NGB: variants seen among roughly 807,000 people sequenced by gnomAD.
NGB encodes the protein neuroglobin.
A neutral mutation model predicts 17.3 loss-of-function variants in NGB; 12 were observed. The ratio of observed to expected loss-of-function variants is 0.69; its 90% confidence interval spans 0.45 to 1.13. The LOEUF (loss-of-function observed/expected upper bound fraction) is 1.13. Ranked by LOEUF, NGB falls within the 50% of genes most tolerant of loss-of-function variation. The pLI is 0.00. For missense variants in NGB, 195 were observed against 191.7 expected, an observed-to-expected ratio of 1.02 and a Z score of -0.10; for synonymous variants, 87 against 81.0, an observed-to-expected ratio of 1.07 and a Z score of -0.40.
Position 77,266,580 on chromosome 14 carries a change from C to G in NGB, c.412G>C (p.Gly138Arg), listed in dbSNP as rs143417735. ...CGACTCATGGCCTGCACTACGGCCC[C>G]GTAGAGTTGGCTCCAGGCAGCCCGT... ...ATRAAWSQLY[G>R]AVVQAMSRGW... The change falls in exon 4 of 4, where the codon GGG becomes CGG. Residue 138 changes from glycine (G) to arginine (R), a missense_variant. Transcript: ENST00000298352. The G allele has an allele frequency of 6.2e-7, 1 of 1,614,154 alleles. No homozygotes were observed. The highest frequency in any genetic ancestry group is 8.5e-7 in the Non-Finnish European group (1 of 1,180,026).
chr14:77,269,371 TGCAAGCCCCA>T (rs1159787192), intron 1 of NGB, 45 bp from the exon 2 acceptor site: 3 of 1,350,078 alleles, frequency 2.2e-6, no homozygotes, highest in Non-Finnish European at 3.1e-6. Context: ...TGTGAGCTCC[TGCAAGCCCCA>T]GCAAGCCTGG....
In NGB at chr14:77,270,910, G is replaced by C; in HGVS notation, c.28C>G (p.Arg10Gly). Residue 10 changes from arginine to glycine, a missense_variant, in exon 1 of 4, where the codon CGG becomes GGG. Coordinates refer to ENST00000298352, the MANE Select transcript of NGB (RefSeq NM_021257.4). ...CGGCTCACTGCCCGCCAGCTCTGCC[G>C]GATCAGCTCGGGCTCCGGGCGCTCC... MERPEPELI[R>G]QSWRAVSRSP... 6.4e-7 allele frequency: 1 copy of C among 1,573,878 alleles called. No individual in the cohort carries two copies. Among genetic ancestry groups the C allele is most frequent in the Non-Finnish European group, 8.6e-7 (1 of 1,166,612 alleles).
At position 77,266,445 on chromosome 14, in the gene NGB, G is replaced by C. The variant is rs1163083616; in HGVS notation, c.*91C>G. The C allele has an allele frequency of 2.6e-6, 4 of 1,542,908 alleles. No homozygotes were observed. The African/African-American group carries it at 5.5e-5, about 21-fold the overall frequency. ...GTGTGGCCAAGGGGACAAGGACCAAGATGCAGGGAAGCTTGGGGAGCCTGG... is the reference window on the plus strand; with the variant it reads ...GTGTGGCCAAGGGGACAAGGACCAACATGCAGGGAAGCTTGGGGAGCCTGG... On this transcript the variant is annotated 3_prime_UTR_variant, in exon 4 of 4. Coordinates refer to ENST00000298352, the MANE Select transcript of NGB (RefSeq NM_021257.4).
intron 3 of NGB, 102 bp from the exon 4 acceptor site, chr14:77,266,772 G>C (rs1215277701): frequency 7.3e-7 from 1 of 1,375,158 alleles, no homozygotes; most frequent in African/African-American, 1.5e-5. Flanking sequence ...GGGCTCCTGG[G>C]CCTTTTTTCC....
rs1312693028 is a variant in NGB at position 77,270,961 on chromosome 14, G to A, written c.-24C>T. Reference sequence around the variant, plus strand: ...ATGCTGTCCCGGGGACGCGGAGCGCGGGGCTGGGACCCTCAGGGCTCGGGT... The same window carrying A: ...ATGCTGTCCCGGGGACGCGGAGCGCAGGGCTGGGACCCTCAGGGCTCGGGT... On this transcript the variant is annotated 5_prime_UTR_variant, in exon 1 of 4. Transcript: ENST00000298352. The A allele has an allele frequency of 6.6e-7, 1 of 1,508,132 alleles. No individual in the cohort carries two copies. Among genetic ancestry groups the A allele is most frequent in the Middle Eastern group, 2.2e-4 (1 of 4,628 alleles). The allele number at this position is 1,508,132 out of a possible 1,614,324, so 93.4% of individuals were successfully genotyped here. A position where few individuals can be genotyped will look rare whatever the true frequency, so the allele number is the denominator to read the frequency against.
intron 1 of NGB, among the ~76,000 whole-genome samples, chr14:77,269,918 AAACAGAAG>A (rs1224041178): frequency 6.9e-6 from 1 of 145,328 alleles, no homozygotes; most frequent in Non-Finnish European, 1.5e-5. Flanking sequence ...ATAGAGGAGA[AAACAGAAG>A]CCCGGGGAGG....
At chr14:77,267,236 A>T (rs1173270559) in intron 3 of NGB, among the ~76,000 whole-genome samples, 1 of 152,246 alleles carries the variant, frequency 6.6e-6, no homozygotes, top group African/African-American at 2.4e-5. Flanking sequence ...GCATCTGTAT[A>T]CAGGAAACCT....
Position 77,266,182 on chromosome 14 carries a change from G to T in NGB, c.*354C>A. 1 of 557,758 alleles carries T rather than the reference G, an allele frequency of 1.8e-6. No individual in the cohort carries two copies. The highest frequency in any genetic ancestry group is 3.6e-6 in the Non-Finnish European group (1 of 277,528). 34.6% of individuals were successfully genotyped at this position (557,758 alleles called of 1,614,324 possible). A position where few individuals can be genotyped will look rare whatever the true frequency, so the allele number is the denominator to read the frequency against. On this transcript the variant is annotated 3_prime_UTR_variant, in exon 4 of 4. Coordinates refer to ENST00000298352, the MANE Select transcript of NGB (RefSeq NM_021257.4). ...GGCCTGCACTCACCTGAAGAAGCAG[G>T]ACAGACAGAAGAGCCCCATCCTCTC...
chr14:77,266,796 G>A (rs111493938), intron 3 of NGB, 126 bp from the exon 4 acceptor site: 117 of 1,038,906 alleles, frequency 1.1e-4, no homozygotes, highest in African/African-American at 1.8e-4. Context: ...CCTGCATTGA[G>A]TCCATGCTTC....
Position 77,270,849 on chromosome 14 carries a change from C to T in NGB, c.89G>A (p.Arg30Lys). ...CCCCGGGCGCTCGTGTAGCCCTCACCTGGCAAACAGGACGGTGCCGTGCTC... is the reference window on the plus strand; with the variant it reads ...CCCCGGGCGCTCGTGTAGCCCTCACTTGGCAAACAGGACGGTGCCGTGCTC... ...PLEHGTVLFA[R>K]LFALEPDLLP... The change falls in exon 1 of 4, where the codon AGG becomes AAG. Residue 30 changes from arginine to lysine, a missense_variant and splice_region_variant. Physicochemically the swap from Arg to Lys is conservative, Grantham distance 26. Coordinates refer to ENST00000298352, the MANE Select transcript of NGB (RefSeq NM_021257.4). 6.3e-7 allele frequency: 1 copy of T among 1,581,388 alleles called. No individual in the cohort carries two copies. The highest frequency in any genetic ancestry group is 8.5e-7 in the Non-Finnish European group (1 of 1,169,878).
Position 77,268,452 on chromosome 14 carries a change from G to GCT in NGB, c.321+12_321+13dup. ...GCCAGGAGCTCTGGAGAGAGTCAGA[G>GCT]CTCCTTTACCCACCGAGAAGGAGCT... On this transcript the variant is annotated intron_variant, in intron 3 of 3. Coordinates refer to ENST00000298352, the MANE Select transcript of NGB (RefSeq NM_021257.4). The GCT allele has an allele frequency of 6.2e-7, 1 of 1,609,896 alleles. No individual in the cohort carries two copies. The highest frequency in any genetic ancestry group is 8.5e-7 in the Non-Finnish European group (1 of 1,179,808).
In NGB at chr14:77,270,891, A is replaced by G. The variant is rs1357162350; in HGVS notation, c.47T>C (p.Val16Ala). The change falls in exon 1 of 4, where the codon GTG becomes GCG. Residue 16 changes from valine (V) to alanine (A), a missense_variant. Coordinates refer to ENST00000298352, the MANE Select transcript of NGB (RefSeq NM_021257.4). ...GCCGTGCTCCAGCGGGCTGCGGCTCACTGCCCGCCAGCTCTGCCGGATCAG... is the reference window on the plus strand; with the variant it reads ...GCCGTGCTCCAGCGGGCTGCGGCTCGCTGCCCGCCAGCTCTGCCGGATCAG... ...PELIRQSWRA[V>A]SRSPLEHGTV... The G allele has an allele frequency of 3.8e-6, 6 of 1,584,678 alleles. No individual in the cohort carries two copies. The highest frequency in any genetic ancestry group is 4.3e-6 in the Non-Finnish European group (5 of 1,172,186).
At chr14:77,267,830 G>A (rs984775099) in intron 3 of NGB, among the ~76,000 whole-genome samples, 1 of 152,138 alleles carries the variant, frequency 6.6e-6, no homozygotes, top group African/African-American at 2.4e-5. Flanking sequence ...CTTGAGTAGG[G>A]TCCTCCCACA....
Position 77,271,110 on chromosome 14 carries a change from G to C in NGB, c.-173C>G, listed in dbSNP as rs1889772029. The C allele has an allele frequency of 1.9e-6, 1 of 519,850 alleles. No homozygotes were observed. Among genetic ancestry groups the C allele is most frequent in the African/African-American group, 2.0e-5 (1 of 48,866 alleles). 32.2% of individuals were successfully genotyped at this position (519,850 alleles called of 1,614,324 possible). ...CCTTCCCTGGCGCGGGAGAGAAAAG[G>C]CGCGCGGCCAGTCGTAGGTGGAGAC... On this transcript the variant is annotated 5_prime_UTR_variant, in exon 1 of 4. Transcript: ENST00000298352.
Position 77,269,724 on chromosome 14 carries a change from CT to C in NGB, c.90-399del, listed in dbSNP as rs1465103067. ...TCTCTCTCTCTCTCTCTCTCTCTCTCTCTTCTCTCTCTCTCTCTCTCTCTCT... is the reference window on the plus strand; with the variant it reads ...TCTCTCTCTCTCTCTCTCTCTCTCTCCTTCTCTCTCTCTCTCTCTCTCTCT... On this transcript the variant is annotated intron_variant, in intron 1 of 3. Coordinates refer to ENST00000298352, the MANE Select transcript of NGB (RefSeq NM_021257.4). Among the ~76,000 whole-genome samples, 15 of 2,820 alleles carry C rather than the reference CT, an allele frequency of 5.3e-3. 1 individual carries two copies. The highest frequency in any genetic ancestry group is 8.9e-3 in the East Asian group (1 of 112). 1.9% of individuals were successfully genotyped at this position (2,820 alleles called of 152,430 possible).
intron 1 of NGB, among the ~76,000 whole-genome samples, chr14:77,269,665 CCT>C (rs1889726434): frequency 8.2e-6 from 1 of 121,632 alleles, no homozygotes; most frequent in Non-Finnish European, 1.7e-5. Flanking sequence ...AGAGGAAAGC[CCT>C]TTCTCTCTCT....
In NGB at chr14:77,266,218, AC is replaced by A; in HGVS notation, c.*317del. On this transcript the variant is annotated 3_prime_UTR_variant, in exon 4 of 4. Transcript: ENST00000298352. ...GAGCCCCATCCTCTCCCACCTCCAT[AC>A]CTTTCCAGCTCATCCCACCTCTGCC... 1.7e-6 allele frequency: 1 copy of A among 587,464 alleles called. No homozygotes were observed. The highest frequency in any genetic ancestry group is 3.4e-6 in the Non-Finnish European group (1 of 296,692). 36.4% of individuals were successfully genotyped at this position (587,464 alleles called of 1,614,324 possible).
At position 77,270,894 on chromosome 14, in the gene NGB, G is replaced by A. The variant is rs749380443; in HGVS notation, c.44C>T (p.Ala15Val). The A allele has an allele frequency of 6.3e-7, 1 of 1,584,530 alleles. No individual in the cohort carries two copies. The highest frequency in any genetic ancestry group is 1.7e-5 in the Admixed American group (1 of 59,106). Residue 15 changes from alanine to valine, a missense_variant, in exon 1 of 4, where the codon GCA (alanine) becomes GTA (valine). By Grantham distance (64) the Ala-to-Val change is moderately conservative. Coordinates refer to ENST00000298352, the MANE Select transcript of NGB (RefSeq NM_021257.4). The stretch of plus-strand genomic sequence containing the variant: ...GTGCTCCAGCGGGCTGCGGCTCACT[G>A]CCCGCCAGCTCTGCCGGATCAGCTC... ...EPELIRQSWR[A>V]VSRSPLEHGT...
intron 2 of NGB, 73 bp from the exon 3 acceptor site, chr14:77,268,658 C>A: frequency 6.3e-7 from 1 of 1,586,656 alleles, no homozygotes; most frequent in Non-Finnish European, 8.6e-7. Context: ...CAGCCCAAGG[C>A]ATGAGGGTCC....
Sources: gnomAD v4.1 joint callset for allele counts (sites outside exome capture counted in the v4.1 genomes callset) on GRCh38, gnomAD v4.1.1 for gene constraint, MANE v1.5 for transcripts, NCBI Gene and HGNC (gene_info 2026-07-23, HGNC 2026-07-21) for gene names.